NRXN3: variants seen among roughly 807,000 people sequenced by gnomAD.
NRXN3 encodes the protein neurexin 3, also known as neurexin III.
Under a neutral mutation model 137.6 loss-of-function variants are expected in NRXN3, and 32 were observed. The ratio of observed to expected loss-of-function variants is 0.23; its 90% CI spans 0.18 to 0.31. NRXN3 has a LOEUF of 0.31. NRXN3 is among the 10% of genes least tolerant of loss of function. The pLI is 1.00. For missense variants in NRXN3, 1,574 were observed against 2,062.5 expected, an observed-to-expected ratio of 0.76 and a Z score of 4.59; for synonymous variants, 798 against 784.5, an observed-to-expected ratio of 1.02 and a Z score of -0.29.
At chr14:78,358,902 A>T (rs780841409) in intron 4 of NRXN3, among the ~76,000 whole-genome samples, 5 of 152,206 alleles carry the variant, frequency 3.3e-5, no homozygotes, top group Admixed American at 6.5e-5. Flanking sequence ...AAATTCAGGA[A>T]GGGGCCTCGC....
At chr14:79,356,188 C>T (rs1331933935) in intron 15 of NRXN3, among the ~76,000 whole-genome samples, 1 of 152,070 alleles carries the variant, frequency 6.6e-6, no homozygotes, top group African/African-American at 2.4e-5. Flanking sequence ...AACCAGGTGG[C>T]CTGATTAAAA....
Position 79,866,309 on chromosome 14 carries a change from G to A in NRXN3, c.*4345G>A, listed in dbSNP as rs534601496. 2 of 152,112 alleles carry A rather than the reference G, an allele frequency of 1.3e-5. No homozygotes were observed. The highest frequency in any genetic ancestry group is 2.1e-4 in the South Asian group (1 of 4,826). 9.4% of individuals were successfully genotyped at this position (152,112 alleles called of 1,614,324 possible). A position where few individuals can be genotyped will look rare whatever the true frequency, so the allele number is the denominator to read the frequency against. Reference sequence around the variant, plus strand: ...GGATATTAAATTGAGAGCCTTGGGAGCTTATCATCTAGTAAAGATGAACAA... The same window carrying A: ...GGATATTAAATTGAGAGCCTTGGGAACTTATCATCTAGTAAAGATGAACAA... On this transcript the variant is annotated 3_prime_UTR_variant, in exon 21 of 21. Coordinates refer to ENST00000335750, the MANE Select transcript of NRXN3 (RefSeq NM_001330195.2).
intron 15 of NRXN3, among the ~76,000 whole-genome samples, chr14:79,157,659 T>C (rs1003127719): frequency 6.6e-6 from 1 of 151,874 alleles, no homozygotes; most frequent in Admixed American, 6.6e-5. Context: ...TTTTGGAGAC[T>C]CTAAAGTTAT....
At chr14:79,328,936 T>C (rs922324542) in intron 15 of NRXN3, among the ~76,000 whole-genome samples, 2 of 152,262 alleles carry the variant, frequency 1.3e-5, no homozygotes, top group Admixed American at 1.3e-4. Flanking sequence ...GAAACTGAGT[T>C]GCTTTTTCTT....
At chr14:78,423,886 T>C (rs894432508) in intron 4 of NRXN3, among the ~76,000 whole-genome samples, 1 of 152,214 alleles carries the variant, frequency 6.6e-6, no homozygotes, top group African/African-American at 2.4e-5. Flanking sequence ...GAGGAAGACT[T>C]TCCGCTTAAG....
At chr14:78,633,147 C>T (rs975518484) in intron 4 of NRXN3, among the ~76,000 whole-genome samples, 22 of 148,010 alleles carry the variant, frequency 1.5e-4, no homozygotes, top group Admixed American at 2.7e-4. Context: ...CCTAGCTACT[C>T]GGGAGGCTGA....
intron 20 of NRXN3, among the ~76,000 whole-genome samples, chr14:79,828,136 A>G (rs1352269648): frequency 6.6e-6 from 1 of 152,202 alleles, no homozygotes; most frequent in Non-Finnish European, 1.5e-5. Flanking sequence ...AGATTCAGGC[A>G]GAGACAAATA....
intron 15 of NRXN3, among the ~76,000 whole-genome samples, chr14:79,257,762 C>G (rs1735461426): frequency 6.6e-6 from 1 of 151,646 alleles, no homozygotes; most frequent in Admixed American, 6.6e-5. Context: ...ATGATATCAA[C>G]CTTTGTACAA....
intron 16 of NRXN3, among the ~76,000 whole-genome samples, chr14:79,594,898 C>T (rs2097846253): frequency 6.6e-6 from 1 of 152,036 alleles, no homozygotes; most frequent in African/African-American, 2.4e-5. Flanking sequence ...ATACATTCTT[C>T]CAAGACATCA....
At chr14:79,759,135 T>C (rs2099029942) in intron 19 of NRXN3, among the ~76,000 whole-genome samples, 1 of 152,188 alleles carries the variant, frequency 6.6e-6, no homozygotes, top group Non-Finnish European at 1.5e-5. Flanking sequence ...GGCAAAACCA[T>C]CTAGTAGTTT....
chr14:79,300,474 C>T (rs79862690), intron 15 of NRXN3, among the ~76,000 whole-genome samples: 3 of 152,026 alleles, frequency 2.0e-5, no homozygotes, highest in Admixed American at 1.3e-4. Flanking sequence ...GGCAGATAGA[C>T]GGGGGATGAT....
chr14:78,373,103 TG>T (rs1466639029), intron 4 of NRXN3, among the ~76,000 whole-genome samples: 3 of 152,242 alleles, frequency 2.0e-5, no homozygotes, highest in Non-Finnish European at 4.4e-5. Flanking sequence ...AACCTTGTCC[TG>T]TTCAAACCTT....
At chr14:78,221,342 G>A (rs1243275259) in intron 1 of NRXN3, among the ~76,000 whole-genome samples, 2 of 152,132 alleles carry the variant, frequency 1.3e-5, no homozygotes, top group Admixed American at 6.5e-5. Context: ...GTAGTTCTGG[G>A]TTGGGTTGAA....
At chr14:79,099,281 A>C (rs554397486) in intron 15 of NRXN3, among the ~76,000 whole-genome samples, 13 of 152,060 alleles carry the variant, frequency 8.5e-5, no homozygotes, top group Non-Finnish European at 1.9e-4. Context: ...TGTGAGATTT[A>C]ATTCTAGACC....
chr14:79,221,975 A>G (rs989987642), intron 15 of NRXN3, among the ~76,000 whole-genome samples: 8 of 152,138 alleles, frequency 5.3e-5, no homozygotes, highest in Non-Finnish European at 1.0e-4. Context: ...GCGTATGGCT[A>G]GCCAGTTTTC....
chr14:79,811,919 C>G (rs2099235328), intron 20 of NRXN3, among the ~76,000 whole-genome samples: 1 of 152,006 alleles, frequency 6.6e-6, no homozygotes, highest in Non-Finnish European at 1.5e-5. Context: ...CAACCCAACC[C>G]AAGTTATTTT....
intron 3 of NRXN3, among the ~76,000 whole-genome samples, chr14:78,289,043 A>G (rs778012947): frequency 4.6e-5 from 7 of 152,208 alleles, no homozygotes; most frequent in Non-Finnish European, 1.0e-4. Flanking sequence ...GGCAAAACCC[A>G]GAGGCTGGAA....
intron 10 of NRXN3, among the ~76,000 whole-genome samples, chr14:78,938,991 G>A (rs1285893629): frequency 6.6e-6 from 1 of 151,566 alleles, no homozygotes; most frequent in Non-Finnish European, 1.5e-5. Flanking sequence ...GACTACAGGC[G>A]CCCGCCACCT....
chr14:79,427,821 A>G (rs2095679264), intron 15 of NRXN3, among the ~76,000 whole-genome samples: 1 of 141,590 alleles, frequency 7.1e-6, no homozygotes, highest in South Asian at 2.5e-4. Flanking sequence ...ACAGAGCGAG[A>G]CTCCATCTCA....
Sources: gnomAD v4.1 joint callset for allele counts (sites outside exome capture counted in the v4.1 genomes callset) on GRCh38, gnomAD v4.1.1 for gene constraint, MANE v1.5 for transcripts, NCBI Gene and HGNC (gene_info 2026-07-23, HGNC 2026-07-21) for gene names.